Variants in PDXDC1 observed in about 807,000 individuals in gnomAD.
PDXDC1 encodes pyridoxal dependent decarboxylase domain containing 1.
In PDXDC1, 42 loss-of-function variants were observed where a neutral mutation model predicts 100.1. The observed-to-expected ratio is 0.42, with a 90% CI of 0.33 to 0.54. The LOEUF is 0.54. Among genes scored for constraint, PDXDC1 ranks in the 20% least tolerant of loss-of-function variants. The pLI is 0.10. For missense variants in PDXDC1, 636 were observed against 979.2 expected (o/e 0.65, Z 4.68); for synonymous variants, 260 against 371.7 (o/e 0.70, Z 3.46).
At chr16:15,131,646 G>A (rs1384203289) in intron 16 of PDXDC1, 13 of 1,586,352 alleles carry the variant, frequency 8.2e-6, no homozygotes, top group East Asian at 4.5e-5. Context: ...ATGGTGACTC[G>A]GCTCCCAGCT....
chr16:15,042,586 T>C (rs770003720), downstream of PDXDC1, among the ~76,000 whole-genome samples: 6 of 152,206 alleles, frequency 3.9e-5, no homozygotes, highest in Non-Finnish European at 7.3e-5. Context: ...TAATTATTAT[T>C]CTGATGACAC....
intron 15 of PDXDC1, 89 bp downstream of exon 15, chr16:15,029,055 G>C (rs758146669): frequency 1.5e-5 from 21 of 1,441,788 alleles, no homozygotes; most frequent in Non-Finnish European, 2.0e-5. Context: ...CTCGTGTATG[G>C]GAACTGAGGC....
chr16:15,033,477 T>G, intron 19 of PDXDC1, 78 bp downstream of exon 19: 1 of 1,492,052 alleles, frequency 6.7e-7, no homozygotes, highest in Non-Finnish European at 9.3e-7. Context: ...GGAAAGCAGC[T>G]GCCCTTGGGA....
chr16:15,001,214 C>T (rs1476929018), intron 3 of PDXDC1, among the ~76,000 whole-genome samples: 8 of 152,218 alleles, frequency 5.3e-5, no homozygotes, highest in African/African-American at 9.6e-5. Context: ...AACGGCTGGG[C>T]GTGGTGGCTC....
chr16:15,080,132 G>C (rs1467572797), intron 16 of PDXDC1: 10 of 1,560,470 alleles, frequency 6.4e-6, no homozygotes, highest in Non-Finnish European at 1.7e-6. Context: ...CATTTCAACA[G>C]AGAATAAACG....
At chr16:15,001,964 A>T (rs1043564849) in intron 4 of PDXDC1, 108 bp downstream of exon 4, 2 of 852,420 alleles carry the variant, frequency 2.3e-6, no homozygotes, top group Non-Finnish European at 3.7e-6. Context: ...ATTGAGTTAC[A>T]TATGATATTA....
intron 16 of PDXDC1, chr16:15,094,467 G>C (rs1397857113): frequency 1.7e-6 from 1 of 573,848 alleles, no homozygotes; most frequent in Non-Finnish European, 3.1e-6. Flanking sequence ...GAGACGGGAA[G>C]GACCGGCTCC....
At chr16:15,044,397 G>A (rs754300105) in intron 16 of PDXDC1, 1 of 1,612,418 alleles carries the variant, frequency 6.2e-7, no homozygotes, top group African/African-American at 1.3e-5. Context: ...CCAACAAGGT[G>A]TACTTCCAGC....
the PDXDC1 span, among the ~76,000 whole-genome samples, chr16:15,148,824 T>A: frequency 6.6e-6 from 1 of 152,094 alleles, no homozygotes; most frequent in African/African-American, 2.4e-5. Flanking sequence ...TGCCCCACAT[T>A]CCCAACTGCT....
At chr16:15,055,829 C>T in intron 16 of PDXDC1, 1 of 924,244 alleles carries the variant, frequency 1.1e-6, no homozygotes, top group Non-Finnish European at 1.4e-6. Flanking sequence ...GAGGGGGGCG[C>T]TAGCCCGCCC....
chr16:15,064,319 G>C (rs184136275), intron 16 of PDXDC1, among the ~76,000 whole-genome samples: 1 of 152,082 alleles, frequency 6.6e-6, no homozygotes, highest in East Asian at 1.9e-4. Context: ...GGAATTACAG[G>C]CGCCACCACC....
At chr16:15,047,814 G>A (rs2044136664) in intron 16 of PDXDC1, 7 of 1,504,946 alleles carry the variant, frequency 4.7e-6, no homozygotes, top group Non-Finnish European at 6.5e-6. Context: ...CAAAGGTTGG[G>A]TCAGTTTAAG....
At chr16:15,067,531 C>T (rs865827703) in intron 16 of PDXDC1, among the ~76,000 whole-genome samples, 4 of 142,604 alleles carry the variant, frequency 2.8e-5, no homozygotes, top group Non-Finnish European at 6.2e-5. Flanking sequence ...GAACAGAACT[C>T]TCTAAACCAA....
At chr16:15,148,721 G>C in the PDXDC1 span, among the ~76,000 whole-genome samples, 2 of 151,770 alleles carry the variant, frequency 1.3e-5, no homozygotes, top group African/African-American at 4.8e-5. Context: ...GAATCATAGT[G>C]TTCCCTGTAT....
At chr16:15,058,781 A>G (rs2044614403) in intron 16 of PDXDC1, among the ~76,000 whole-genome samples, 1 of 152,190 alleles carries the variant, frequency 6.6e-6, no homozygotes, top group African/African-American at 2.4e-5. Context: ...ATATTTAGTG[A>G]AAGGATCCCA....
At chr16:15,014,261 C>T (rs2041609488) in intron 8 of PDXDC1, among the ~76,000 whole-genome samples, 2 of 151,892 alleles carry the variant, frequency 1.3e-5, no homozygotes, top group African/African-American at 2.4e-5. Flanking sequence ...CACTTTATTG[C>T]CAACAGGAAA....
At position 15,037,798 on chromosome 16, in the gene PDXDC1, A is replaced by C; in HGVS notation, c.*1523A>C. ...TCTCCTCTGCCCGTTATTACCGACCAAAAAAAAAACTGGACATCAATTTTT... is the reference window on the plus strand; with the variant it reads ...TCTCCTCTGCCCGTTATTACCGACCCAAAAAAAAACTGGACATCAATTTTT... On this transcript the variant is annotated 3_prime_UTR_variant, in exon 23 of 23. Transcript: ENST00000396410. 1 of 305,954 alleles carries C rather than the reference A, an allele frequency of 3.3e-6. No homozygotes were observed. Among genetic ancestry groups the C allele is most frequent in the Non-Finnish European group, 5.6e-6 (1 of 178,644 alleles). 19.0% of individuals were successfully genotyped at this position (305,954 alleles called of 1,614,324 possible). A position where few individuals can be genotyped will look rare whatever the true frequency, so the allele number is the denominator to read the frequency against.
At chr16:15,002,016 T>C (rs1973269762) in intron 4 of PDXDC1, 160 bp downstream of exon 4, 1 of 650,408 alleles carries the variant, frequency 1.5e-6, no homozygotes, top group Non-Finnish European at 2.5e-6. Context: ...TATATTAATA[T>C]ATATTTTGTG....
intron 16 of PDXDC1, among the ~76,000 whole-genome samples, chr16:15,049,773 G>T (rs576815440): frequency 6.6e-6 from 1 of 152,296 alleles, no homozygotes; most frequent in Admixed American, 6.5e-5. Context: ...AATGGAAAAG[G>T]TAAGTAAATT....
Sources: allele counts gnomAD v4.1 joint callset (sites outside exome capture counted in the v4.1 genomes callset), GRCh38; gene constraint gnomAD v4.1.1; transcripts MANE v1.5; gene names NCBI Gene and HGNC (gene_info 2026-07-23, HGNC 2026-07-21).